Variants in HS3ST4 observed in about 807,000 individuals in gnomAD.
The protein encoded by HS3ST4 is heparan sulfate glucosamine 3-O-sulfotransferase 4.
A neutral mutation model predicts 29.2 loss-of-function variants in HS3ST4; 17 were observed. The ratio of observed to expected loss-of-function variants is 0.58; its 90% CI spans 0.40 to 0.87. The LOEUF (loss-of-function observed/expected upper bound fraction) is 0.87, where lower values mean the gene tolerates loss of function less well. HS3ST4 is among the 40% of genes least tolerant of loss of function. HS3ST4 has a pLI of 0.00. For missense variants in HS3ST4, 627 were observed against 634.5 expected (o/e 0.99, Z 0.13); for synonymous variants, 314 against 285.7 (o/e 1.10, Z -1.00).
chr16:25,789,449 TC>T (rs1180253365), intron 1 of HS3ST4, among the ~76,000 whole-genome samples: 5,820 of 58,154 alleles, frequency 0.1, 487 homozygotes, highest in African/African-American at 0.19. Flanking sequence ...CTTCCTTCCT[TC>T]CTTCCTTCCT....
At chr16:25,693,904 C>T (rs1487292846) in intron 1 of HS3ST4, among the ~76,000 whole-genome samples, 7 of 152,184 alleles carry the variant, frequency 4.6e-5, no homozygotes, top group African/African-American at 1.7e-4. Flanking sequence ...CCTCCTTTCC[C>T]ACCGTCTGCC....
At chr16:25,873,284 A>G (rs1178163676) in intron 1 of HS3ST4, among the ~76,000 whole-genome samples, 1 of 96,568 alleles carries the variant, frequency 1.0e-5, no homozygotes, top group African/African-American at 4.8e-5. Context: ...CCATTCATCC[A>G]TCCATCCATC....
chr16:26,019,182 CCAAA>C (rs1418922784), intron 1 of HS3ST4, among the ~76,000 whole-genome samples: 2 of 152,090 alleles, frequency 1.3e-5, no homozygotes, highest in Non-Finnish European at 2.9e-5. Flanking sequence ...ATCCCTGCTT[CCAAA>C]CAGTGATATG....
At chr16:25,900,851 T>C (rs1157148657) in intron 1 of HS3ST4, among the ~76,000 whole-genome samples, 1 of 151,988 alleles carries the variant, frequency 6.6e-6, no homozygotes, top group African/African-American at 2.4e-5. Flanking sequence ...CCCTGCAAAA[T>C]AAAGAGAGTT....
At chr16:25,967,050 G>A (rs905082694) in intron 1 of HS3ST4, among the ~76,000 whole-genome samples, 1 of 152,178 alleles carries the variant, frequency 6.6e-6, no homozygotes, top group African/African-American at 2.4e-5. Context: ...TCTGAGGATG[G>A]GATCCAGCCC....
At chr16:25,989,188 T>G (rs1295103796) in intron 1 of HS3ST4, among the ~76,000 whole-genome samples, 1 of 152,202 alleles carries the variant, frequency 6.6e-6, no homozygotes, top group South Asian at 2.1e-4. Flanking sequence ...CCGTGATTGG[T>G]GTAAGAGTAG....
In HS3ST4 at chr16:25,891,033, C is replaced by A. The variant is rs117707854; in HGVS notation, c.734+197882C>A. On this transcript the variant is annotated intron_variant, in intron 1 of 1. Coordinates refer to ENST00000331351, the MANE Select transcript of HS3ST4 (RefSeq NM_006040.3). ...ACAGCTTCAAGAAGGGAAGCAAGTT[C>A]AGTCTAGCTGGTAGCACTTGGTGAT... 2.2e-3 allele frequency among the ~76,000 whole-genome samples: 341 copies of A among 152,230 alleles called. 2 individuals are homozygous for A. The highest frequency in any genetic ancestry group is 3.7e-3 in the Non-Finnish European group (255 of 68,020).
intron 1 of HS3ST4, among the ~76,000 whole-genome samples, chr16:26,078,992 G>C (rs1019900520): frequency 6.6e-6 from 1 of 152,172 alleles, no homozygotes; most frequent in Non-Finnish European, 1.5e-5. Flanking sequence ...AATGAGAACG[G>C]AACAGTAGGC....
chr16:25,901,656 A>G (rs1042970214), intron 1 of HS3ST4, among the ~76,000 whole-genome samples: 2 of 150,998 alleles, frequency 1.3e-5, no homozygotes, highest in Non-Finnish European at 2.9e-5. Flanking sequence ...CCTGGGTGAC[A>G]GAGCGAGACT....
chr16:25,987,428 C>A (rs745893058), intron 1 of HS3ST4, among the ~76,000 whole-genome samples: 1 of 151,986 alleles, frequency 6.6e-6, no homozygotes, highest in Non-Finnish European at 1.5e-5. Flanking sequence ...AGTACTTTAT[C>A]CTCACAGCAA....
intron 1 of HS3ST4, among the ~76,000 whole-genome samples, chr16:25,698,764 G>A (rs1966315585): frequency 6.6e-6 from 1 of 152,098 alleles, no homozygotes; most frequent in South Asian, 2.1e-4. Flanking sequence ...GATGGTTTGG[G>A]AAAACCCCAG....
At chr16:25,855,867 A>C (rs1967569433) in intron 1 of HS3ST4, among the ~76,000 whole-genome samples, 1 of 152,046 alleles carries the variant, frequency 6.6e-6, no homozygotes, top group African/African-American at 2.4e-5. Context: ...AGAGCTTAGT[A>C]GTGTTTTTTT....
At chr16:25,847,033 C>A (rs897763764) in intron 1 of HS3ST4, among the ~76,000 whole-genome samples, 2 of 137,512 alleles carry the variant, frequency 1.5e-5, no homozygotes, top group Non-Finnish European at 3.1e-5. Flanking sequence ...TTTTTTGACT[C>A]TTTTTTTCAC....
chr16:26,099,578 G>A (rs1898968277), intron 1 of HS3ST4, among the ~76,000 whole-genome samples: 1 of 152,108 alleles, frequency 6.6e-6, no homozygotes, highest in Admixed American at 6.6e-5. Flanking sequence ...AAAACGAAAG[G>A]AACTCCATCA....
At chr16:26,119,446 G>T (rs4550453) in intron 1 of HS3ST4, among the ~76,000 whole-genome samples, 2 of 152,132 alleles carry the variant, frequency 1.3e-5, no homozygotes, top group Non-Finnish European at 2.9e-5. Context: ...TGGATGTGCT[G>T]CAGGGTGCGT....
At chr16:26,084,422 C>A (rs569543695) in intron 1 of HS3ST4, among the ~76,000 whole-genome samples, 19 of 152,250 alleles carry the variant, frequency 1.2e-4, no homozygotes, top group African/African-American at 3.9e-4. Flanking sequence ...TTCTCCAGCC[C>A]TTCTTTCACT....
intron 1 of HS3ST4, among the ~76,000 whole-genome samples, chr16:25,701,773 A>G (rs1966336122): frequency 6.6e-6 from 1 of 152,246 alleles, no homozygotes; most frequent in South Asian, 2.1e-4. Flanking sequence ...GAACTCACAG[A>G]GTGGAGAAAT....
chr16:25,799,244 C>T (rs1021702864), intron 1 of HS3ST4, among the ~76,000 whole-genome samples: 3 of 152,126 alleles, frequency 2.0e-5, no homozygotes, highest in Admixed American at 6.6e-5. Context: ...CCCATTGTTA[C>T]CTTGAAGTAC....
At chr16:25,828,266 T>TCTCTCTCTCTCTCTCTCTCTCTC (rs1967247254) in intron 1 of HS3ST4, among the ~76,000 whole-genome samples, 2 of 82,182 alleles carry the variant, frequency 2.4e-5, no homozygotes, top group African/African-American at 1.1e-4. Context: ...CTTTCTTTCT[T>TCTCTCTCTCTCTCTCTCTCTCTC]TCTTTCTTTC....
Sources: allele counts gnomAD v4.1 joint callset (sites outside exome capture counted in the v4.1 genomes callset), GRCh38; gene constraint gnomAD v4.1.1; transcripts MANE v1.5; gene names NCBI Gene and HGNC (gene_info 2026-07-23, HGNC 2026-07-21).